PDLIM5: variants seen among roughly 807,000 people sequenced by gnomAD.
PDLIM5 encodes the protein PDZ and LIM domain 5.
In PDLIM5, 34 loss-of-function variants were observed where a neutral mutation model predicts 64.2. The ratio of observed to expected loss-of-function variants is 0.53; its 90% CI spans 0.40 to 0.71. The LOEUF is 0.71. PDLIM5 is among the 30% of genes least tolerant of loss of function. PDLIM5 has a pLI of 0.00. For synonymous variants in PDLIM5, 253 were observed against 269.1 expected (o/e 0.94, Z 0.59); for missense variants, 683 against 733.6 (o/e 0.93, Z 0.80).
At position 94,617,566 on chromosome 4, in the gene PDLIM5, G is replaced by A. The variant is rs141749407; in HGVS notation, c.921-438G>A. 4.8e-3 allele frequency among the ~76,000 whole-genome samples: 722 copies of A among 150,822 alleles called. 2 individuals carry two copies. The highest frequency in any genetic ancestry group is 0.016 in the African/African-American group (673 of 40,970). On this transcript the variant is annotated intron_variant, in intron 7 of 12. Coordinates refer to ENST00000317968, the MANE Select transcript of PDLIM5 (RefSeq NM_006457.5). ...TCACACCTGTAATCCCAGTGCTTTC[G>A]GAAACTGAAGTGGGATGATTGCTTG...
At chr4:94,501,601 A>T (rs1053367789) in intron 2 of PDLIM5, among the ~76,000 whole-genome samples, 28 of 152,070 alleles carry the variant, frequency 1.8e-4, no homozygotes, top group Non-Finnish European at 4.1e-4. Flanking sequence ...TTTAGAGTTC[A>T]TTTTTCTGAT....
rs560395151 is a variant in PDLIM5, at chr4:94,625,932, T to C, written c.1108+7741T>C. Among the ~76,000 whole-genome samples the C allele has an allele frequency of 2.6e-5, 4 of 152,334 alleles. No individual in the cohort carries two copies. The South Asian group carries it at 8.3e-4, about 32-fold the overall frequency. ...ATGTAGTAAAGACAAAGGCTCTTAA[T>C]TGACAAGAATGTAAAAACAAAAGTT... On this transcript the variant is annotated intron_variant, in intron 8 of 12. Transcript: ENST00000317968.
Position 94,585,609 on chromosome 4 carries a change from A to G in PDLIM5, c.755A>G (p.His252Arg), listed in dbSNP as rs770579618. The G allele has an allele frequency of 5.6e-6, 9 of 1,612,956 alleles. No individual in the cohort carries two copies. In the Admixed American group the frequency reaches 6.7e-5, roughly 12 times the overall value. Residue 252 changes from histidine to arginine, a missense_variant, in exon 6 of 13, where the codon CAT becomes CGT. Physicochemically the swap from His to Arg is conservative, Grantham distance 29. Transcript: ENST00000317968. ...HIVERYTEFYHVPTHSDASKK... is the reference protein window; with the variant it reads ...HIVERYTEFYRVPTHSDASKK... ...GTGGAGCGCTATACAGAGTTTTATC[A>G]TGTACCCACTCACAGTGATGCCAGC... is the stretch of plus-strand genomic sequence containing the variant.
At chr4:94,557,131 CA>C (rs2110227724) in intron 3 of PDLIM5, among the ~76,000 whole-genome samples, 1 of 152,306 alleles carries the variant, frequency 6.6e-6, no homozygotes, top group South Asian at 2.1e-4. Flanking sequence ...TATGGCTAGC[CA>C]GTTTTCCCAG....
intron 3 of PDLIM5, among the ~76,000 whole-genome samples, chr4:94,571,705 T>A (rs975264359): frequency 5.3e-5 from 8 of 152,198 alleles, no homozygotes; most frequent in African/African-American, 1.9e-4. Flanking sequence ...TTTTATGTAA[T>A]CTATGACATT....
Position 94,612,437 on chromosome 4 carries a change from C to T in PDLIM5, c.921-5567C>T, listed in dbSNP as rs118141004. On this transcript the variant is annotated intron_variant, in intron 7 of 12. Transcript: ENST00000317968. Reference sequence around the variant, plus strand: ...GCTGAGATTGTACAGAGGCAGGTTACTGACCATGCTTAGAGTACACTTTGA... The same window carrying T: ...GCTGAGATTGTACAGAGGCAGGTTATTGACCATGCTTAGAGTACACTTTGA... 8.5e-4 allele frequency among the ~76,000 whole-genome samples: 130 copies of T among 152,224 alleles called. 4 individuals are homozygous for T. The East Asian group carries it at 0.022, about 26-fold the overall frequency.
intron 2 of PDLIM5, among the ~76,000 whole-genome samples, chr4:94,477,179 G>C (rs1434751597): frequency 6.6e-6 from 1 of 152,162 alleles, no homozygotes; most frequent in South Asian, 2.1e-4. Context: ...GATCTGGGTG[G>C]AGTTACTATT....
At chr4:94,575,499 A>G (rs1016178208) in intron 4 of PDLIM5, 117 bp from the exon 5 acceptor site, 2 of 687,772 alleles carry the variant, frequency 2.9e-6, no homozygotes, top group African/African-American at 3.6e-5. Context: ...ATGATGTTTG[A>G]GCTGCTAACC....
chr4:94,657,297 G>A (rs936628211), intron 10 of PDLIM5, 130 bp from the exon 11 acceptor site: 2 of 591,862 alleles, frequency 3.4e-6, no homozygotes, highest in East Asian at 2.8e-5. Context: ...GAAAGCTCAA[G>A]ACAAAAATGA....
At chr4:94,577,344 T>G (rs1319019904) in intron 5 of PDLIM5, 1 of 456,266 alleles carries the variant, frequency 2.2e-6, no homozygotes, top group Non-Finnish European at 4.4e-6. Flanking sequence ...ACTTTGGGGC[T>G]TTGAAAGAGA....
At chr4:94,531,404 G>C (rs1730857085) in intron 3 of PDLIM5, among the ~76,000 whole-genome samples, 2 of 152,040 alleles carry the variant, frequency 1.3e-5, no homozygotes, top group Non-Finnish European at 2.9e-5. Context: ...GCCTATTTCA[G>C]GTGAATATAT....
intron 7 of PDLIM5, among the ~76,000 whole-genome samples, chr4:94,597,017 T>C (rs1289387831): frequency 6.6e-6 from 1 of 152,134 alleles, no homozygotes; most frequent in African/African-American, 2.4e-5. Flanking sequence ...CTCCCAAAGA[T>C]TCTGAATTTA....
intron 2 of PDLIM5, among the ~76,000 whole-genome samples, chr4:94,477,394 C>G (rs1292525343): frequency 6.6e-6 from 1 of 152,156 alleles, no homozygotes; most frequent in Non-Finnish European, 1.5e-5. Flanking sequence ...CTTGGAGATA[C>G]ACTTCTGTAA....
chr4:94,666,235 A>C lies in PDLIM5; in HGVS notation c.*2168A>C. On this transcript the variant is annotated 3_prime_UTR_variant, in exon 13 of 13. Coordinates refer to ENST00000317968, the MANE Select transcript of PDLIM5 (RefSeq NM_006457.5). ...GAACTTTCAAGGCATCTGTCCTGAA[A>C]GCTGTTAATTTATGGTCTAGCAGAT... The C allele has an allele frequency of 2.1e-6, 1 of 477,578 alleles. No homozygotes were observed. The highest frequency in any genetic ancestry group is 3.7e-6 in the Non-Finnish European group (1 of 272,686). 29.6% of individuals were successfully genotyped at this position (477,578 alleles called of 1,614,324 possible). A position where few individuals can be genotyped will look rare whatever the true frequency, so the allele number is the denominator to read the frequency against.
chr4:94,453,101 C>T (rs954095214), intron 1 of PDLIM5, among the ~76,000 whole-genome samples: 2 of 152,152 alleles, frequency 1.3e-5, no homozygotes, highest in African/African-American at 2.4e-5. Context: ...AAGCTTCCTT[C>T]CCTAGTACTA....
chr4:94,613,427 A>G (rs561213992), intron 7 of PDLIM5, among the ~76,000 whole-genome samples: 1 of 152,316 alleles, frequency 6.6e-6, no homozygotes, highest in Admixed American at 6.5e-5. Flanking sequence ...CAAATGTGGG[A>G]AAGGAATGTA....
chr4:94,585,693 C>T lies in PDLIM5; in HGVS notation c.839C>T (p.Ser280Phe). 1.2e-6 allele frequency: 2 copies of T among 1,613,900 alleles called. No homozygotes were observed. Among genetic ancestry groups the T allele is most frequent in the Middle Eastern group, 3.3e-4 (2 of 6,062 alleles). ...DWRPRTGTTQ[S>F]RSFRILAQIT... ...CGTCCAAGGACTGGAACAACTCAGT[C>T]TCGCTCTTTCCGAATCCTTGCCCAG... The change falls in exon 6 of 13, where the codon TCT (serine) becomes TTT (phenylalanine). Residue 280 changes from serine (S) to phenylalanine (F), a missense_variant. By Grantham distance (155) the Ser-to-Phe change is radical. Transcript: ENST00000317968.
At chr4:94,620,312 T>G (rs191414738) in intron 8 of PDLIM5, among the ~76,000 whole-genome samples, 8 of 152,216 alleles carry the variant, frequency 5.3e-5, no homozygotes, top group Non-Finnish European at 1.2e-4. Context: ...CTCCTGAGGA[T>G]CACTTGAGCC....
chr4:94,638,612 A>T (rs1173148532), intron 8 of PDLIM5, among the ~76,000 whole-genome samples: 1 of 152,198 alleles, frequency 6.6e-6, no homozygotes, highest in African/African-American at 2.4e-5. Context: ...TTACATATAT[A>T]TGTATATTTA....
Sources: allele counts gnomAD v4.1 joint callset (sites outside exome capture counted in the v4.1 genomes callset), GRCh38; gene constraint gnomAD v4.1.1; transcripts MANE v1.5; gene names NCBI Gene and HGNC (gene_info 2026-07-23, HGNC 2026-07-21).